Variants in GPS1 observed in about 807,000 individuals in gnomAD.
The protein encoded by GPS1 is COP9 signalosome complex subunit 1.
In GPS1, 11 loss-of-function variants were observed where a neutral mutation model predicts 60.0. The ratio of observed to expected loss-of-function variants is 0.18; its 90% CI spans 0.12 to 0.30. The LOEUF is 0.30. GPS1 is among the 10% of genes least tolerant of loss of function. The pLI is 1.00. For synonymous variants in GPS1, 343 were observed against 269.8 expected (o/e 1.27, Z -2.66); for missense variants, 543 against 669.2 (o/e 0.81, Z 2.08).
rs1232626381 is a variant in GPS1 at position 82,052,230 on chromosome 17, G to A, written c.33+266G>A. On this transcript the variant is annotated intron_variant, in intron 1 of 12. Transcript: ENST00000578552. ...CACGGGAGAGGTTCCCGGCCGCCCCGACGCTAACGCTCTTTCTCCCTTCAG... is the reference window on the plus strand; with the variant it reads ...CACGGGAGAGGTTCCCGGCCGCCCCAACGCTAACGCTCTTTCTCCCTTCAG... The A allele has an allele frequency of 4.5e-6, 7 of 1,560,112 alleles. No homozygotes were observed. The Admixed American group carries it at 7.0e-5, about 16-fold the overall frequency.
upstream of GPS1, chr17:82,051,805 T>C: frequency 8.9e-7 from 1 of 1,128,720 alleles, no homozygotes. This position sits in a 1 kb window ranked among gnomAD's most constrained non-coding sequence, Gnocchi z 4.1. Flanking sequence ...GCGGAGAACC[T>C]GGCCGGAGCC....
chr17:82,056,902 C>A lies in GPS1; in HGVS notation c.1317C>A (p.Gly439=). Residue 439 remains glycine (G), a synonymous_variant, in exon 12 of 13, where the codon GGC becomes GGA. Transcript: ENST00000578552. ...CCTTTGAGAAGTCTCTGTTGATGGG[C>A]AAGGAGTTCCAGCGCCGCGCCAAGG... ...STTFEKSLLM[G]KEFQRRAKAM... is the part of the protein sequence containing the mutation. The A allele has an allele frequency of 6.2e-7, 1 of 1,612,930 alleles. No homozygotes were observed. The highest frequency in any genetic ancestry group is 8.5e-7 in the Non-Finnish European group (1 of 1,179,964).
At chr17:82,051,138 C>T, upstream of GPS1, 1 of 1,320,010 alleles carries the variant, frequency 7.6e-7, no homozygotes. The surrounding 1 kb of genome is among the most constrained non-coding windows in gnomAD (Gnocchi z 4.1). Flanking sequence ...GGTGGGCCCT[C>T]CGCAGGCCGC....
Position 82,056,946 on chromosome 17 carries a change from C to A in GPS1, c.1361C>A (p.Ala454Asp). 4 of 1,612,916 alleles carry A rather than the reference C, an allele frequency of 2.5e-6. No individual in the cohort carries two copies. The highest frequency in any genetic ancestry group is 2.5e-6 in the Non-Finnish European group (3 of 1,179,946). The change falls in exon 12 of 13, where the codon GCT becomes GAT. Residue 454 changes from alanine to aspartate, a missense_variant. By Grantham distance (126) the Ala-to-Asp change is moderately radical. Around this residue, in one of 3 missense-constraint regions of GPS1, gnomAD observed 291 missense variants for 353.7 expected, o/e 0.82. Transcript: ENST00000578552. ...RRAKAMMLRA[A>D]VLRNQIHVKS... ...GCCAAGGCCATGATGCTGCGGGCAG[C>A]TGTGCTCCGCAACCAGATCCATGTC... is the stretch of plus-strand genomic sequence containing the variant.
In GPS1 at chr17:82,057,226, G is replaced by C; in HGVS notation, c.*99G>C. 1 of 1,496,258 alleles carries C rather than the reference G, an allele frequency of 6.7e-7. No homozygotes were observed. Among genetic ancestry groups the C allele is most frequent in the Non-Finnish European group, 9.2e-7 (1 of 1,083,994 alleles). The allele number at this position is 1,496,258 out of a possible 1,614,324, so 92.7% of individuals were successfully genotyped here. A position where few individuals can be genotyped will look rare whatever the true frequency, so the allele number is the denominator to read the frequency against. ...AGTGCTGCCTGCGGCCCAGCTAAGG[G>C]GCCTGGCCACTGGGTGCCACCCAGC... On this transcript the variant is annotated 3_prime_UTR_variant, in exon 13 of 13. Transcript: ENST00000578552.
rs771016489 is a variant in GPS1, at chr17:82,053,842, T to G, written c.127-26T>G. On this transcript the variant is annotated intron_variant, in intron 2 of 12. Transcript: ENST00000578552. ...CCAGGGTCCTGCCTCCCATCCTGCC[T>G]GACTCTTGTCTGTGCCTGCTCCCAG... The G allele has an allele frequency of 6.9e-6, 11 of 1,591,074 alleles. No homozygotes were observed. The African/African-American group carries it at 1.2e-4, about 17-fold the overall frequency.
At chr17:82,056,185 C>T in intron 8 of GPS1, 90 bp downstream of exon 8, 3 of 1,374,820 alleles carry the variant, frequency 2.2e-6, no homozygotes, top group Admixed American at 1.7e-5. Context: ...CCCCCTGGCC[C>T]CAGCGTTTTC....
rs1159978489 is a variant in GPS1 at position 82,053,937 on chromosome 17, C to A, written c.196C>A (p.His66Asn). The stretch of plus-strand genomic sequence containing the variant: ...CGAACGGCTGCAGTTCATTGCTGAT[C>A]ACTGCCCCACGCTGCGGGTGGAGGC... ...RIERLQFIADHCPTLRVEALK... is the reference protein window; with the variant it reads ...RIERLQFIADNCPTLRVEALK... Residue 66 changes from histidine (H) to asparagine (N), a missense_variant, in exon 3 of 13, where the codon CAC becomes AAC. Coordinates refer to ENST00000578552, the MANE Select transcript of GPS1 (RefSeq NM_001321092.3). The A allele has an allele frequency of 3.7e-6, 6 of 1,612,840 alleles. No homozygotes were observed. The highest frequency in any genetic ancestry group is 5.1e-6 in the Non-Finnish European group (6 of 1,179,954).
intron 1 of GPS1, chr17:82,052,795 A>G: frequency 2.9e-6 from 1 of 343,432 alleles, no homozygotes; most frequent in Non-Finnish European, 5.5e-6. Flanking sequence ...CCTTCTCCCA[A>G]CTCCGTGGCG....
chr17:82,054,582 G>A lies in GPS1; in HGVS notation c.381G>A (p.Val127=). 1.2e-6 allele frequency: 2 copies of A among 1,601,970 alleles called. No individual in the cohort carries two copies. The part of the protein sequence containing the change: ...VEPPALDTAW[V]EATRKKALLK... ...CCCCAGCCCTGGACACGGCCTGGGT[G>A]GAGGCCACGCGGAAGAAGGCGCTGC... Residue 127 remains valine (V), a synonymous_variant, in exon 4 of 13, where the codon GTG becomes GTA. Coordinates refer to ENST00000578552, the MANE Select transcript of GPS1 (RefSeq NM_001321092.3).
chr17:82,052,406 G>C (rs761415005), intron 1 of GPS1: 2 of 1,611,674 alleles, frequency 1.2e-6, no homozygotes, highest in African/African-American at 2.7e-5. Context: ...GCCCGGCACG[G>C]CCGGGGACTT....
chr17:82,051,094 G>C, upstream of GPS1: 1 of 1,365,400 alleles, frequency 7.3e-7, no homozygotes, highest in Non-Finnish European at 9.4e-7. The surrounding 1 kb of genome is among the most constrained non-coding windows in gnomAD (Gnocchi z 4.1). Context: ...CGGCTAGTGT[G>C]AGAGGCTGGT....
chr17:82,053,475 C>G (rs563774041), intron 2 of GPS1, 109 bp downstream of exon 2: 1 of 803,998 alleles, frequency 1.2e-6, no homozygotes, highest in Non-Finnish European at 1.8e-6. Flanking sequence ...CCTCAGTGAT[C>G]GCTGTCGTCT....
intron 1 of GPS1, chr17:82,052,800 G>A (rs182222025): frequency 5.7e-6 from 2 of 351,978 alleles, no homozygotes; most frequent in Non-Finnish European, 1.1e-5. Context: ...TCCCAACTCC[G>A]TGGCGTGACT....
chr17:82,056,971 C>T lies in GPS1; in HGVS notation c.1386C>T (p.Val462=), dbSNP rs372358339. The change falls in exon 12 of 13, where the codon GTC becomes GTT. Residue 462 remains valine (V), a synonymous_variant. Transcript: ENST00000578552. ...CTGTGCTCCGCAACCAGATCCATGT[C>T]AAGGTGGGCTGGCTTGAGGGGGGGC... ...RAAVLRNQIH[V]KSPPREGSQG... 4 of 1,612,846 alleles carry T rather than the reference C, an allele frequency of 2.5e-6. No homozygotes were observed. Among genetic ancestry groups the T allele is most frequent in the Admixed American group, 1.7e-5 (1 of 60,026 alleles).
chr17:82,055,316 G>C (rs1488297414), intron 6 of GPS1, 94 bp downstream of exon 6: 2 of 1,301,466 alleles, frequency 1.5e-6, no homozygotes, highest in African/African-American at 2.9e-5. Context: ...CCTCAGCCAG[G>C]GAAAACTTCC....
Position 82,057,201 on chromosome 17 carries a change from A to C in GPS1, c.*74A>C. On this transcript the variant is annotated 3_prime_UTR_variant, in exon 13 of 13. Coordinates refer to ENST00000578552, the MANE Select transcript of GPS1 (RefSeq NM_001321092.3). ...CGGACCTCGGACCTCCAGGCGGCTC[A>C]GTGCTGCCTGCGGCCCAGCTAAGGG... 2 of 1,563,402 alleles carry C rather than the reference A, an allele frequency of 1.3e-6. No individual in the cohort carries two copies. Among genetic ancestry groups the C allele is most frequent in the Admixed American group, 1.7e-5 (1 of 57,598 alleles).
chr17:82,055,125 G>A (rs1406365503), intron 5 of GPS1, 37 bp from the exon 6 acceptor site: 1 of 1,563,672 alleles, frequency 6.4e-7, no homozygotes, highest in Non-Finnish European at 8.7e-7. Flanking sequence ...TAGGAAATGT[G>A]GAGCATGGGC....
At chr17:82,051,594 T>C, upstream of GPS1, 2 of 1,295,754 alleles carry the variant, frequency 1.5e-6, no homozygotes, top group Non-Finnish European at 9.8e-7. The surrounding 1 kb of genome is among the most constrained non-coding windows in gnomAD (Gnocchi z 4.1). Flanking sequence ...GAAGACGTCG[T>C]CAGGCCGCAG....
Sources: gnomAD v4.1 joint callset for allele counts on GRCh38, gnomAD v4.1.1 for gene constraint, gnomAD v4.1.1 regional missense constraint, Gnocchi (gnomAD v3.1) non-coding constraint, MANE v1.5 for transcripts, NCBI Gene and HGNC (gene_info 2026-07-23, HGNC 2026-07-21) for gene names.